Variants in MDM4 observed in about 807,000 individuals in gnomAD.
MDM4 encodes protein Mdm4.
A neutral mutation model predicts 60.2 loss-of-function variants in MDM4; 2 were observed. That is an observed-to-expected ratio of 0.03 (90% CI 0.01 to 0.10). The LOEUF is 0.10. Among genes scored for constraint, MDM4 ranks in the 10% least tolerant of loss-of-function variants. The pLI is 1.00. For synonymous variants in MDM4, 202 were observed against 198.1 expected, an observed-to-expected ratio of 1.02 and a Z score of -0.17; for missense variants, 447 against 577.5, an observed-to-expected ratio of 0.77 and a Z score of 2.32.
chr1:204,542,231 T>G (rs1662167554), intron 7 of MDM4, among the ~76,000 whole-genome samples: 1 of 152,214 alleles, frequency 6.6e-6, no homozygotes, highest in African/African-American at 2.4e-5. Flanking sequence ...ACATACGAAT[T>G]ATTGAGAATT....
chr1:204,545,714 A>G (rs1476168178), intron 9 of MDM4, among the ~76,000 whole-genome samples: 2 of 152,106 alleles, frequency 1.3e-5, no homozygotes, highest in Non-Finnish European at 2.9e-5. Context: ...TATTTTTGAG[A>G]TGGGATCTCA....
Position 204,549,746 on chromosome 1 carries a change from C to T in MDM4, c.*64C>T, listed in dbSNP as rs2102459723. The T allele has an allele frequency of 3.8e-6, 4 of 1,040,266 alleles. No homozygotes were observed. The highest frequency in any genetic ancestry group is 5.5e-6 in the Non-Finnish European group (4 of 726,864). 64.4% of individuals were successfully genotyped at this position (1,040,266 alleles called of 1,614,324 possible). A position where few individuals can be genotyped will look rare whatever the true frequency, so the allele number is the denominator to read the frequency against. On this transcript the variant is annotated 3_prime_UTR_variant, in exon 11 of 11. Coordinates refer to ENST00000367182, the MANE Select transcript of MDM4 (RefSeq NM_002393.5). Reference sequence around the variant, plus strand: ...TTACCACATTATTTGAAAATCAATCCTTTATTTAATTTTATTTCCAACCTG... The same window carrying T: ...TTACCACATTATTTGAAAATCAATCTTTTATTTAATTTTATTTCCAACCTG...
rs556094662 is a variant in MDM4 at position 204,551,182 on chromosome 1, A to G, written c.*1500A>G. 23 of 195,874 alleles carry G rather than the reference A, an allele frequency of 1.2e-4. No individual in the cohort carries two copies. Among genetic ancestry groups the G allele is most frequent in the East Asian group, 4.0e-4 (5 of 12,434 alleles). The allele number at this position is 195,874 out of a possible 1,614,324, so 12.1% of individuals were successfully genotyped here. Reference sequence around the variant, plus strand: ...CTAAGCCTCCCAAGTAGCTGGGTCTATAGGCGCGTGCCACCACCATGCCCA... The same window carrying G: ...CTAAGCCTCCCAAGTAGCTGGGTCTGTAGGCGCGTGCCACCACCATGCCCA... On this transcript the variant is annotated 3_prime_UTR_variant, in exon 11 of 11. Coordinates refer to ENST00000367182, the MANE Select transcript of MDM4 (RefSeq NM_002393.5).
intron 1 of MDM4, among the ~76,000 whole-genome samples, chr1:204,521,507 A>G (rs1659565131): frequency 6.6e-6 from 1 of 152,030 alleles, no homozygotes; most frequent in African/African-American, 2.4e-5. Flanking sequence ...GGGTATGGCT[A>G]AGAGTCTGGG....
Position 204,554,430 on chromosome 1 carries a change from G to A in MDM4, c.*4748G>A. 1 of 226,000 alleles carries A rather than the reference G, an allele frequency of 4.4e-6. No individual in the cohort carries two copies. Among genetic ancestry groups the A allele is most frequent in the Admixed American group, 5.7e-5 (1 of 17,554 alleles). 14.0% of individuals were successfully genotyped at this position (226,000 alleles called of 1,614,324 possible). ...TGTGCAAGCATGTTTTGATCCTGAT[G>A]CTACCTTTGCTAAAAATGGCCATAG... On this transcript the variant is annotated 3_prime_UTR_variant, in exon 11 of 11. Coordinates refer to ENST00000367182, the MANE Select transcript of MDM4 (RefSeq NM_002393.5).
At position 204,552,739 on chromosome 1, in the gene MDM4, C is replaced by T. The variant is rs1663312272; in HGVS notation, c.*3057C>T. 5.4e-6 allele frequency: 1 copy of T among 184,858 alleles called. No homozygotes were observed. Among genetic ancestry groups the T allele is most frequent in the East Asian group, 8.7e-5 (1 of 11,468 alleles). 11.5% of individuals were successfully genotyped at this position (184,858 alleles called of 1,614,324 possible). ...AGAATCCTCTTAGGCTGCTCAGCTT[C>T]ACTCTTCCTGCTTGCCCACCGGGGT... On this transcript the variant is annotated 3_prime_UTR_variant, in exon 11 of 11. Coordinates refer to ENST00000367182, the MANE Select transcript of MDM4 (RefSeq NM_002393.5).
Position 204,530,701 on chromosome 1 carries a change from T to G in MDM4, c.171T>G (p.Gly57=), listed in dbSNP as rs1379934651. 5.0e-6 allele frequency: 8 copies of G among 1,614,062 alleles called. No homozygotes were observed. The highest frequency in any genetic ancestry group is 6.8e-6 in the Non-Finnish European group (8 of 1,180,038). The change falls in exon 4 of 11, where the codon GGT becomes GGG. Residue 57 remains glycine, a synonymous_variant. Transcript: ENST00000367182. ...FTVKEVMHYL[G]QYIMVKQLYD... Reference sequence around the variant, plus strand: ...CCATGCAGGTCATGCACTATTTAGGTCAGTACATAATGGTGAAGCAACTTT... The same window carrying G: ...CCATGCAGGTCATGCACTATTTAGGGCAGTACATAATGGTGAAGCAACTTT...
In MDM4 at chr1:204,537,943, T is replaced by G. The variant is rs372588746; in HGVS notation, c.412-266T>G. ...CTAATTTTGTAGTAGACTGGAGGGT[T>G]TATACAGATAGCCTGTTTTTAACAG... is the stretch of plus-strand genomic sequence containing the variant. On this transcript the variant is annotated intron_variant, in intron 6 of 10. Coordinates refer to ENST00000367182, the MANE Select transcript of MDM4 (RefSeq NM_002393.5). 9.8e-6 allele frequency: 7 copies of G among 715,154 alleles called. No individual in the cohort carries two copies. In the African/African-American group the frequency reaches 1.0e-4, roughly 11 times the overall value. 44.3% of individuals were successfully genotyped at this position (715,154 alleles called of 1,614,324 possible).
chr1:204,522,249 G>T (rs1249629628), intron 1 of MDM4, among the ~76,000 whole-genome samples: 1 of 152,032 alleles, frequency 6.6e-6, no homozygotes, highest in East Asian at 1.9e-4. Flanking sequence ...GACTGCTTGA[G>T]CCCAGGAGGT....
At position 204,549,236 on chromosome 1, in the gene MDM4, A is replaced by C; in HGVS notation, c.1027A>C (p.Thr343Pro). The C allele has an allele frequency of 1.2e-6, 2 of 1,614,178 alleles. No homozygotes were observed. Among genetic ancestry groups the C allele is most frequent in the Non-Finnish European group, 1.7e-6 (2 of 1,179,980 alleles). ...DCSKLTHSLS[T>P]SDITAIPEKE... The stretch of plus-strand genomic sequence containing the variant: ...TTCAAAGTTAACCCATTCTCTCTCC[A>C]CGTCTGATATCACTGCCATACCTGA... Residue 343 changes from threonine to proline, a missense_variant, in exon 11 of 11, where the codon ACG becomes CCG. This residue lies in a region of MDM4 where 117 missense variants were observed against 114.5 expected (regional missense o/e 1.02). Coordinates refer to ENST00000367182, the MANE Select transcript of MDM4 (RefSeq NM_002393.5).
At chr1:204,531,631 A>T (rs1385443631) in intron 4 of MDM4, among the ~76,000 whole-genome samples, 1 of 152,088 alleles carries the variant, frequency 6.6e-6, no homozygotes, top group African/African-American at 2.4e-5. Context: ...GGAGTTCAAG[A>T]CCAGCCTGGC....
intron 5 of MDM4, among the ~76,000 whole-genome samples, chr1:204,535,243 C>T (rs1335207257): frequency 2.7e-5 from 4 of 150,358 alleles, no homozygotes; most frequent in Non-Finnish European, 5.9e-5. Context: ...CTGCAGCCTC[C>T]ACCTCCCGGG....
rs751714317 is a variant in MDM4, at chr1:204,553,862, T to C, written c.*4180T>C. On this transcript the variant is annotated 3_prime_UTR_variant, in exon 11 of 11. Coordinates refer to ENST00000367182, the MANE Select transcript of MDM4 (RefSeq NM_002393.5). ...AATATGGTATGCCATTTCCCCAGTC[T>C]ACCAATGGAATAGTATGGGTTTCTA... 45 of 221,232 alleles carry C rather than the reference T, an allele frequency of 2.0e-4. No individual in the cohort carries two copies. The highest frequency in any genetic ancestry group is 1.2e-4 in the Admixed American group (2 of 17,364). 13.7% of individuals were successfully genotyped at this position (221,232 alleles called of 1,614,324 possible).
At chr1:204,526,459 T>C (rs1660158259) in intron 3 of MDM4, 25 bp downstream of exon 3, 2 of 1,469,134 alleles carry the variant, frequency 1.4e-6, no homozygotes, top group Admixed American at 2.2e-5. Context: ...AAAATTCTCA[T>C]TTTTTTTGTT....
chr1:204,538,391 T>G, intron 7 of MDM4, 83 bp downstream of exon 7: 1 of 750,422 alleles, frequency 1.3e-6, no homozygotes, highest in Non-Finnish European at 2.3e-6. Context: ...GTATGTGAAG[T>G]AGGAGAGGGA....
At chr1:204,544,857 G>A (rs1662492003) in intron 9 of MDM4, among the ~76,000 whole-genome samples, 173 bp downstream of exon 9, 1 of 152,104 alleles carries the variant, frequency 6.6e-6, no homozygotes. Flanking sequence ...AACCAGGGCT[G>A]CCTTAAAAGC....
At chr1:204,545,760 C>T (rs898050428) in intron 9 of MDM4, among the ~76,000 whole-genome samples, 3 of 152,142 alleles carry the variant, frequency 2.0e-5, no homozygotes, top group African/African-American at 7.2e-5. Flanking sequence ...CTTCTTAGCT[C>T]AAGTGGTCCT....
chr1:204,529,135 T>G (rs1660579937), intron 3 of MDM4: 2 of 1,046,390 alleles, frequency 1.9e-6, no homozygotes, highest in Non-Finnish European at 2.9e-6. Context: ...CTGGAAGAGC[T>G]GCTTCCACTG....
In MDM4 at chr1:204,545,474, G is replaced by A. The variant is rs192120638; in HGVS notation, c.822+790G>A. Among the ~76,000 whole-genome samples the A allele has an allele frequency of 7.2e-5, 11 of 152,224 alleles. No individual in the cohort carries two copies. The East Asian group carries it at 9.7e-4, about 13-fold the overall frequency. ...GATCCAGTGGCCAGCATGTAGAAGA[G>A]TGTTGGTAAACATCCATCGGATAAA... On this transcript the variant is annotated intron_variant, in intron 9 of 10. Coordinates refer to ENST00000367182, the MANE Select transcript of MDM4 (RefSeq NM_002393.5).
Sources: allele counts gnomAD v4.1 joint callset (sites outside exome capture counted in the v4.1 genomes callset), GRCh38; gene constraint gnomAD v4.1.1; regional missense constraint gnomAD v4.1.1; transcripts MANE v1.5; gene names NCBI Gene and HGNC (gene_info 2026-07-23, HGNC 2026-07-21).